The following JCHAIN variants were observed in gnomAD, a reference collection of about 807,000 sequenced individuals.
JCHAIN encodes joining chain of multimeric IgA and IgM.
Under a neutral mutation model 11.1 loss-of-function variants are expected in JCHAIN, and 5 were observed. That is an observed-to-expected ratio of 0.45 (90% confidence interval 0.24 to 0.95). JCHAIN has a LOEUF of 0.95. Ranked by LOEUF, JCHAIN falls within the 40% of genes least tolerant of loss-of-function variation. The probability of loss-of-function intolerance (pLI) is 0.21; values close to 1 mark genes in which losing one functional copy is unlikely to be tolerated. For missense variants in JCHAIN, 165 were observed against 192.7 expected (o/e 0.86, Z 0.85); for synonymous variants, 51 against 67.8 (o/e 0.75, Z 1.22).
In JCHAIN at chr4:70,665,239, G is replaced by T. The variant is rs561343149; in HGVS notation, c.64+1188C>A. Among the ~76,000 whole-genome samples, 5 of 152,220 alleles carry T rather than the reference G, an allele frequency of 3.3e-5. No individual in the cohort carries two copies. In the South Asian group the frequency reaches 1.0e-3, roughly 32 times the overall value. Reference sequence around the variant, plus strand: ...TTGCCTGGGTTCTGCTTACACTCTTGCTTGCTGTATGACTTTGGTAAGTTA... The same window carrying T: ...TTGCCTGGGTTCTGCTTACACTCTTTCTTGCTGTATGACTTTGGTAAGTTA... On this transcript the variant is annotated intron_variant, in intron 1 of 3. Coordinates refer to ENST00000254801, the MANE Select transcript of JCHAIN (RefSeq NM_144646.4).
At chr4:70,656,947 A>G (rs1738961445) in intron 3 of JCHAIN, among the ~76,000 whole-genome samples, 2 of 152,180 alleles carry the variant, frequency 1.3e-5, no homozygotes, top group East Asian at 1.9e-4. Flanking sequence ...CACTTATTGA[A>G]CTATTAAGAG....
chr4:70,659,492 G>A (rs1292424270), intron 2 of JCHAIN, among the ~76,000 whole-genome samples: 2 of 130,826 alleles, frequency 1.5e-5, no homozygotes, highest in Non-Finnish European at 3.1e-5. Flanking sequence ...AGAGGTTGCA[G>A]TGAGCCAAGA....
In JCHAIN at chr4:70,656,386, A is replaced by G. The variant is rs145025435; in HGVS notation, c.423T>C (p.Gly141=). Residue 141 remains glycine, a synonymous_variant, in exon 4 of 4, where the codon GGT becomes GGC. Transcript: ENST00000254801. ...CYTAVVPLVY[G]GETKMVETAL... ...CTGTTTCCACCATTTTGGTCTCACC[A>G]CCATATACGAGTGGGACCACAGCTG... 8.5e-5 allele frequency: 137 copies of G among 1,613,980 alleles called. No homozygotes were observed. The highest frequency in any genetic ancestry group is 1.1e-4 in the Non-Finnish European group (132 of 1,179,938).
intron 1 of JCHAIN, among the ~76,000 whole-genome samples, chr4:70,662,703 G>A (rs1289002954): frequency 6.6e-6 from 1 of 152,130 alleles, no homozygotes; most frequent in African/African-American, 2.4e-5. Flanking sequence ...GCTCATGCCT[G>A]TAATCCCAGG....
chr4:70,662,250 C>G (rs771375931), intron 1 of JCHAIN, 35 bp from the exon 2 acceptor site: 5 of 1,581,822 alleles, frequency 3.2e-6, no homozygotes, highest in Non-Finnish European at 3.5e-6. Flanking sequence ...GAAAGGAAAA[C>G]AAAGGTCAAT....
chr4:70,656,666 G>C (rs1738955673), intron 3 of JCHAIN, 127 bp from the exon 4 acceptor site: 1 of 671,212 alleles, frequency 1.5e-6, no homozygotes, highest in Non-Finnish European at 2.7e-6. Context: ...ACTCCTTTCA[G>C]ACATAAGCAG....
intron 1 of JCHAIN, among the ~76,000 whole-genome samples, chr4:70,665,338 C>CT (rs1277455177): frequency 6.6e-6 from 1 of 152,026 alleles, no homozygotes; most frequent in Non-Finnish European, 1.5e-5. Context: ...CATATGGTTA[C>CT]TGAGAGAATT....
At chr4:70,662,343 T>C in intron 1 of JCHAIN, 128 bp from the exon 2 acceptor site, 1 of 759,692 alleles carries the variant, frequency 1.3e-6, no homozygotes, top group South Asian at 1.9e-5. Flanking sequence ...GCTTTCTCCA[T>C]TTGTTCTCTA....
intron 2 of JCHAIN, among the ~76,000 whole-genome samples, chr4:70,658,418 C>T (rs1240223163): frequency 1.3e-5 from 2 of 152,120 alleles, no homozygotes; most frequent in African/African-American, 2.4e-5. Context: ...CCTAATATGC[C>T]CCTAACTCTC....
intron 2 of JCHAIN, among the ~76,000 whole-genome samples, chr4:70,659,005 G>C (rs2148527864): frequency 6.6e-6 from 1 of 152,218 alleles, no homozygotes; most frequent in African/African-American, 2.4e-5. Flanking sequence ...AACATTCGTT[G>C]AATGAATGAA....
At chr4:70,659,042 A>G (rs770181047) in intron 2 of JCHAIN, among the ~76,000 whole-genome samples, 4 of 152,232 alleles carry the variant, frequency 2.6e-5, no homozygotes, top group Admixed American at 6.5e-5. Context: ...AAGACTGTAA[A>G]GACTCTAGTA....
Position 70,657,305 on chromosome 4 carries a change from A to G in JCHAIN, c.189-14T>C. ...TTCAGAGGAACACTAAAAGAAAAGA[A>G]AGAAAACAAAGTTAAAACAATGAAA... On this transcript the variant is annotated splice_polypyrimidine_tract_variant and intron_variant, in intron 2 of 3. Coordinates refer to ENST00000254801, the MANE Select transcript of JCHAIN (RefSeq NM_144646.4). 1 of 1,500,786 alleles carries G rather than the reference A, an allele frequency of 6.7e-7. No individual in the cohort carries two copies. Among genetic ancestry groups the G allele is most frequent in the Non-Finnish European group, 9.3e-7 (1 of 1,079,614 alleles). The allele number at this position is 1,500,786 out of a possible 1,614,324, so 93.0% of individuals were successfully genotyped here. A position where few individuals can be genotyped will look rare whatever the true frequency, so the allele number is the denominator to read the frequency against.
chr4:70,659,724 G>A (rs1252737432), intron 2 of JCHAIN, among the ~76,000 whole-genome samples: 1 of 151,122 alleles, frequency 6.6e-6, no homozygotes, highest in Non-Finnish European at 1.5e-5. Flanking sequence ...AAACTAGCTG[G>A]GCATGGTGGT....
chr4:70,661,964 T>C, intron 2 of JCHAIN, 128 bp downstream of exon 2: 1 of 817,906 alleles, frequency 1.2e-6, no homozygotes, highest in South Asian at 1.8e-5. Flanking sequence ...ACTCAATTCT[T>C]TACTCATGTA....
intron 2 of JCHAIN, among the ~76,000 whole-genome samples, chr4:70,657,552 A>T (rs1738972550): frequency 6.6e-6 from 1 of 152,068 alleles, no homozygotes; most frequent in Non-Finnish European, 1.5e-5. Flanking sequence ...TTCCTTTAAA[A>T]CTCAACTCAC....
chr4:70,663,851 A>G (rs111742090), intron 1 of JCHAIN, among the ~76,000 whole-genome samples: 2,140 of 151,650 alleles, frequency 0.014, 49 homozygotes, highest in African/African-American at 0.048. Flanking sequence ...GTGAGCCACC[A>G]CGCCTGGCAA....
intron 1 of JCHAIN, among the ~76,000 whole-genome samples, chr4:70,662,726 C>T (rs1246972731): frequency 2.6e-5 from 4 of 152,018 alleles, no homozygotes; most frequent in African/African-American, 9.7e-5. Context: ...TTTGGGAGGC[C>T]GAGGCGGGCA....
At position 70,656,555 on chromosome 4, in the gene JCHAIN, A is replaced by G. The variant is rs1308219712; in HGVS notation, c.270-16T>C. On this transcript the variant is annotated splice_polypyrimidine_tract_variant and intron_variant, in intron 3 of 3. Coordinates refer to ENST00000254801, the MANE Select transcript of JCHAIN (RefSeq NM_144646.4). ...TTTTTTACAGCTGAAAAGCAAATAT[A>G]TGTATTAGACAATCCCCTCAAATGC... 2 of 1,582,696 alleles carry G rather than the reference A, an allele frequency of 1.3e-6. No individual in the cohort carries two copies. The highest frequency in any genetic ancestry group is 1.1e-5 in the South Asian group (1 of 90,396).
chr4:70,657,391 ATTGT>A, intron 2 of JCHAIN, 100 bp from the exon 3 acceptor site: 1 of 681,166 alleles, frequency 1.5e-6, no homozygotes, highest in Non-Finnish European at 2.6e-6. Flanking sequence ...AACAGTACTT[ATTGT>A]ATTTAGTACT....
Sources: allele counts gnomAD v4.1 joint callset (sites outside exome capture counted in the v4.1 genomes callset), GRCh38; gene constraint gnomAD v4.1.1; transcripts MANE v1.5; gene names NCBI Gene and HGNC (gene_info 2026-07-23, HGNC 2026-07-21).